The following ATXN2 variants were observed in gnomAD, a reference collection of about 807,000 sequenced individuals.
The protein encoded by ATXN2 is ataxin 2.
ATXN2 carries 37 observed loss-of-function variants against 138.6 expected under a neutral mutation model. That is an observed-to-expected ratio of 0.27 (90% CI 0.21 to 0.35). The LOEUF is 0.35. ATXN2 is among the 10% of genes least tolerant of loss of function. The pLI, the probability that ATXN2 is intolerant of heterozygous loss-of-function variation, is 1.00. For synonymous variants in ATXN2, 549 were observed against 543.7 expected, an observed-to-expected ratio of 1.01 and a Z score of -0.13; for missense variants, 1,216 against 1,480.3, an observed-to-expected ratio of 0.82 and a Z score of 2.93.
chr12:111,598,881 G>A lies in ATXN2; in HGVS notation c.154C>T (p.Pro52Ser). Residue 52 changes from proline to serine, a missense_variant, in exon 1 of 25, where the codon CCT (proline) becomes TCT (serine). By Grantham distance (74) the Pro-to-Ser change is moderately conservative. Around this residue, in one of 4 missense-constraint regions of ATXN2, gnomAD observed 110 missense variants for 88.7 expected, o/e 1.24. Transcript: ENST00000673436. This position sits in a 1 kb window ranked among gnomAD's most constrained non-coding sequence, Gnocchi z 4.5. Reference sequence around the variant, plus strand: ...GAGACCGAGGACGAGGACGGCGAAGGCGCGGCGGCGGGCGACGCTAGAAGG... The same window carrying A: ...GAGACCGAGGACGAGGACGGCGAAGACGCGGCGGCGGGCGACGCTAGAAGG... Reference protein sequence around the residue: ...SGLLASPAAAPSPSSSSVSSS... With the variant: ...SGLLASPAAASSPSSSSVSSS... The A allele has an allele frequency of 6.7e-7, 1 of 1,497,066 alleles. No homozygotes were observed. The highest frequency in any genetic ancestry group is 8.9e-7 in the Non-Finnish European group (1 of 1,129,660). The allele number at this position is 1,497,066 out of a possible 1,614,324, so 92.7% of individuals were successfully genotyped here.
chr12:111,591,413 T>TA (rs1054321034), intron 1 of ATXN2, among the ~76,000 whole-genome samples: 6 of 152,102 alleles, frequency 3.9e-5, no homozygotes, highest in Admixed American at 3.9e-4. Flanking sequence ...CTCACACCTG[T>TA]AATCTCAGCA....
intron 5 of ATXN2, among the ~76,000 whole-genome samples, chr12:111,543,813 G>A (rs1190086100): frequency 6.6e-6 from 1 of 152,188 alleles, no homozygotes; most frequent in Non-Finnish European, 1.5e-5. Context: ...ACAGTGGCTT[G>A]CACCTATAAT....
At chr12:111,579,242 C>A in intron 1 of ATXN2, among the ~76,000 whole-genome samples, 1 of 152,232 alleles carries the variant, frequency 6.6e-6, no homozygotes, top group Non-Finnish European at 1.5e-5. Flanking sequence ...AAAACCTGTA[C>A]ATAAATATTC....
intron 9 of ATXN2, 98 bp downstream of exon 9, chr12:111,518,151 T>G: frequency 3.6e-6 from 4 of 1,106,826 alleles, no homozygotes; most frequent in South Asian, 2.2e-5. Flanking sequence ...ATCATTAAAG[T>G]GCACATTCAT....
chr12:111,542,831 A>AC (rs1881592895), intron 5 of ATXN2, among the ~76,000 whole-genome samples: 1 of 152,070 alleles, frequency 6.6e-6, no homozygotes, highest in South Asian at 2.1e-4. Flanking sequence ...ACCACACAGT[A>AC]TTTTTTTATC....
chr12:111,506,841 T>G (rs1440988273), intron 14 of ATXN2, among the ~76,000 whole-genome samples: 1 of 152,142 alleles, frequency 6.6e-6, no homozygotes, highest in Non-Finnish European at 1.5e-5. Flanking sequence ...TTTTCGTATT[T>G]TTTTGGTGGA....
chr12:111,473,416 T>C (rs193264702), intron 18 of ATXN2, among the ~76,000 whole-genome samples: 1 of 152,052 alleles, frequency 6.6e-6, no homozygotes, highest in African/African-American at 2.4e-5. Flanking sequence ...AAAAGGGAAA[T>C]GATTAACATT....
intron 18 of ATXN2, among the ~76,000 whole-genome samples, chr12:111,475,081 G>A (rs1462750579): frequency 1.3e-5 from 2 of 152,106 alleles, no homozygotes; most frequent in African/African-American, 2.4e-5. Flanking sequence ...GGGTGTGGTG[G>A]CGGGCGAATG....
intron 14 of ATXN2, among the ~76,000 whole-genome samples, chr12:111,507,868 C>G (rs1048079073): frequency 2.0e-5 from 3 of 152,172 alleles, no homozygotes; most frequent in Admixed American, 2.0e-4. Context: ...TACCCCCAAC[C>G]CTGTGCTCTC....
At chr12:111,511,051 T>A (rs1369202851) in intron 11 of ATXN2, 1 of 153,312 alleles carries the variant, frequency 6.5e-6, no homozygotes, top group Non-Finnish European at 1.5e-5. Flanking sequence ...TATAGCAACA[T>A]CAAGGTCCAC....
At position 111,488,572 on chromosome 12, in the gene ATXN2, T is replaced by C. The variant is rs1483571472; in HGVS notation, c.2144A>G (p.Lys715Arg). ...SPSILSNTEHKRGPEVTSQGV... is the reference protein window; with the variant it reads ...SPSILSNTEHRRGPEVTSQGV... The stretch of plus-strand genomic sequence containing the variant: ...TTGGGAAGTGACCTCAGGTCCCCTC[T>C]TGTGCTCCGTGTTACTAAGTATTGA... Residue 715 changes from lysine to arginine, a missense_variant, in exon 15 of 25, where the codon AAG (lysine) becomes AGG (arginine). Physicochemically the swap from Lys to Arg is conservative, Grantham distance 26. Around this residue, in one of 4 missense-constraint regions of ATXN2, gnomAD observed 490 missense variants for 653.5 expected, o/e 0.75. Coordinates refer to ENST00000673436, the MANE Select transcript of ATXN2 (RefSeq NM_001372574.1). The C allele has an allele frequency of 1.9e-6, 3 of 1,614,222 alleles. No homozygotes were observed. Among genetic ancestry groups the C allele is most frequent in the Non-Finnish European group, 1.7e-6 (2 of 1,180,020 alleles).
intron 13 of ATXN2, 128 bp from the exon 14 acceptor site, chr12:111,509,747 G>A: frequency 1.1e-6 from 1 of 944,976 alleles, no homozygotes; most frequent in Non-Finnish European, 1.6e-6. Flanking sequence ...TATTAAATTT[G>A]GATTTTGGAA....
intron 15 of ATXN2, 93 bp from the exon 16 acceptor site, chr12:111,486,917 A>G: frequency 9.6e-7 from 1 of 1,046,126 alleles, no homozygotes; most frequent in South Asian, 1.4e-5. Flanking sequence ...ATTGCTAAAT[A>G]TAGATTTAAA....
chr12:111,498,552 C>A (rs557617597), intron 14 of ATXN2, among the ~76,000 whole-genome samples: 2 of 152,152 alleles, frequency 1.3e-5, no homozygotes, highest in South Asian at 4.1e-4. Flanking sequence ...CTTTAAAACA[C>A]TGAAATTGAT....
chr12:111,457,277 A>T lies in ATXN2; in HGVS notation c.2979T>A (p.Ala993=). The stretch of plus-strand genomic sequence containing the variant: ...GGCTTTGCTGCTGTCCAGTGGGGGT[A>T]GCTGAAGGCTGAGGGTGTGGAGTAT... ...HPHTPHPQPS[A]TPTGQQQSQH... is the part of the protein sequence containing the mutation. The change falls in exon 22 of 25, where the codon GCT becomes GCA. Residue 993 remains alanine (A), a synonymous_variant. Coordinates refer to ENST00000673436, the MANE Select transcript of ATXN2 (RefSeq NM_001372574.1). 5 of 1,614,136 alleles carry T rather than the reference A, an allele frequency of 3.1e-6. No homozygotes were observed. The highest frequency in any genetic ancestry group is 3.4e-6 in the Non-Finnish European group (4 of 1,179,988).
chr12:111,552,479 T>G lies in ATXN2; in HGVS notation c.421-49A>C. ...TACTCCAAACCTTTACAAAATAAAA[T>G]TTGTTAGGAATTCTTTAGCTCATCA... On this transcript the variant is annotated intron_variant, in intron 4 of 24. Coordinates refer to ENST00000673436, the MANE Select transcript of ATXN2 (RefSeq NM_001372574.1). The surrounding 1 kb of genome is among the most constrained non-coding windows in gnomAD (Gnocchi z 4.1). 1 of 1,551,808 alleles carries G rather than the reference T, an allele frequency of 6.4e-7. No homozygotes were observed. The highest frequency in any genetic ancestry group is 8.7e-7 in the Non-Finnish European group (1 of 1,155,638).
At position 111,461,906 on chromosome 12, in the gene ATXN2, A is replaced by C. The variant is rs552754829; in HGVS notation, c.2896+2756T>G. ...CACTGCACTCCAGCCTGGACGACAGAGTGAGACTCCATCTCAAAAGAAAAA... is the reference window on the plus strand; with the variant it reads ...CACTGCACTCCAGCCTGGACGACAGCGTGAGACTCCATCTCAAAAGAAAAA... On this transcript the variant is annotated intron_variant, in intron 21 of 24. Transcript: ENST00000673436. Among the ~76,000 whole-genome samples the C allele has an allele frequency of 1.1e-3, 166 of 149,234 alleles. 2 individuals carry two copies. In the Middle Eastern group the frequency reaches 0.014, roughly 12 times the overall value.
At chr12:111,536,870 G>C (rs1881212971) in intron 5 of ATXN2, among the ~76,000 whole-genome samples, 1 of 149,548 alleles carries the variant, frequency 6.7e-6, no homozygotes, top group African/African-American at 2.5e-5. Context: ...TGTAGCCTCG[G>C]CTTCCCAGCT....
intron 1 of ATXN2, among the ~76,000 whole-genome samples, chr12:111,590,557 C>T (rs755961634): frequency 1.3e-5 from 2 of 151,890 alleles, no homozygotes; most frequent in South Asian, 2.1e-4. Context: ...TCACAGTGTG[C>T]GCCTGTAGTA....
Sources: gnomAD v4.1 joint callset for allele counts (sites outside exome capture counted in the v4.1 genomes callset) on GRCh38, gnomAD v4.1.1 for gene constraint, gnomAD v4.1.1 regional missense constraint, Gnocchi (gnomAD v3.1) non-coding constraint, MANE v1.5 for transcripts, NCBI Gene and HGNC (gene_info 2026-07-23, HGNC 2026-07-21) for gene names.